The following RASSF9 variants were observed in gnomAD, a reference collection of about 807,000 sequenced individuals.
RASSF9 encodes the protein ras association domain-containing protein 9.
Under a neutral mutation model 21.4 loss-of-function variants are expected in RASSF9, and 18 were observed. The ratio of observed to expected loss-of-function variants is 0.84; its 90% CI spans 0.58 to 1.25. The LOEUF (loss-of-function observed/expected upper bound fraction) is 1.25, where lower values mean the gene tolerates loss of function less well. RASSF9 is among the 50% of genes most tolerant of loss of function. RASSF9 has a pLI of 0.00. For synonymous variants in RASSF9, 183 were observed against 179.1 expected, an observed-to-expected ratio of 1.02 and a Z score of -0.18; for missense variants, 480 against 503.2, an observed-to-expected ratio of 0.95 and a Z score of 0.44.
chr12:85,830,649 T>G (rs1446498108), intron 1 of RASSF9, among the ~76,000 whole-genome samples: 2 of 152,116 alleles, frequency 1.3e-5, no homozygotes, highest in Admixed American at 6.5e-5. Context: ...AGTATAATTT[T>G]CCTTGTTTGT....
At chr12:85,812,240 T>C (rs901459167) in intron 1 of RASSF9, among the ~76,000 whole-genome samples, 2 of 151,728 alleles carry the variant, frequency 1.3e-5, no homozygotes, top group East Asian at 3.9e-4. Flanking sequence ...CACATAACTA[T>C]TCTTAGTTGT....
rs748977216 is a variant in RASSF9 at position 85,804,935 on chromosome 12, G to T, written c.1075C>A (p.Leu359Ile). 6.2e-7 allele frequency: 1 copy of T among 1,613,802 alleles called. No individual in the cohort carries two copies. The highest frequency in any genetic ancestry group is 1.1e-5 in the South Asian group (1 of 91,084). ...AGTGAATTGAATTCCTTGGCCAGGA[G>T]TTCATATTCTTTTGCTTTCATCTGA... Reference protein sequence around the residue: ...LLQMKAKEYELLAKEFNSLHI... With the variant: ...LLQMKAKEYEILAKEFNSLHI... The change falls in exon 2 of 2, where the codon CTC becomes ATC. Residue 359 changes from leucine (L) to isoleucine (I), a missense_variant. By Grantham distance (5) the Leu-to-Ile change is conservative. Transcript: ENST00000361228.
rs1236057025 is a variant in RASSF9 at position 85,801,879 on chromosome 12, G to A, written c.*2823C>T. The A allele has an allele frequency of 1.3e-5, 2 of 152,130 alleles. No homozygotes were observed. The highest frequency in any genetic ancestry group is 1.9e-4 in the East Asian group (1 of 5,180). The allele number at this position is 152,130 out of a possible 1,614,324, so 9.4% of individuals were successfully genotyped here. ...AGGTAAGTGCATAAATATATATAGC[G>A]TAAGCCAGAATAAAAATGCTTCTTA... is the stretch of plus-strand genomic sequence containing the variant. On this transcript the variant is annotated 3_prime_UTR_variant, in exon 2 of 2. Transcript: ENST00000361228.
intron 1 of RASSF9, among the ~76,000 whole-genome samples, chr12:85,820,467 G>C (rs1292751446): frequency 6.6e-6 from 1 of 152,150 alleles, no homozygotes; most frequent in African/African-American, 2.4e-5. Context: ...AATGATTTCA[G>C]TATGTACAAT....
chr12:85,816,577 A>G (rs753511134), intron 1 of RASSF9, among the ~76,000 whole-genome samples: 3 of 152,140 alleles, frequency 2.0e-5, no homozygotes, highest in Admixed American at 6.6e-5. Flanking sequence ...TTTTACCCTA[A>G]TATCATCACA....
At chr12:85,806,991 T>C (rs1191720704) in intron 1 of RASSF9, among the ~76,000 whole-genome samples, 1 of 152,152 alleles carries the variant, frequency 6.6e-6, no homozygotes, top group Non-Finnish European at 1.5e-5. Context: ...AATGCTGACA[T>C]GAATATGTAA....
chr12:85,835,619 T>C (rs776359070), intron 1 of RASSF9, among the ~76,000 whole-genome samples: 8 of 152,202 alleles, frequency 5.3e-5, no homozygotes, highest in Non-Finnish European at 1.0e-4. Flanking sequence ...GTTTCCACTT[T>C]GGGAACATTC....
At chr12:85,819,862 G>C (rs1275073753) in intron 1 of RASSF9, among the ~76,000 whole-genome samples, 1 of 152,132 alleles carries the variant, frequency 6.6e-6, no homozygotes, top group Non-Finnish European at 1.5e-5. Context: ...TTAGTACCTT[G>C]TCTAGATATT....
At chr12:85,832,170 T>C (rs1176859078) in intron 1 of RASSF9, among the ~76,000 whole-genome samples, 1 of 151,888 alleles carries the variant, frequency 6.6e-6, no homozygotes, top group Non-Finnish European at 1.5e-5. Context: ...TAATTTTAAG[T>C]GCCCTTTAAA....
chr12:85,810,306 G>A (rs557837723), intron 1 of RASSF9, among the ~76,000 whole-genome samples: 1 of 151,408 alleles, frequency 6.6e-6, no homozygotes, highest in East Asian at 1.9e-4. Context: ...ACAAAGACAT[G>A]TGTGATTTAC....
chr12:85,821,983 T>C (rs549386382), intron 1 of RASSF9, among the ~76,000 whole-genome samples: 2 of 152,264 alleles, frequency 1.3e-5, no homozygotes, highest in South Asian at 2.1e-4. Context: ...TCTAATCTTG[T>C]TGGAAATTCG....
chr12:85,822,684 T>C (rs1256257221), intron 1 of RASSF9, among the ~76,000 whole-genome samples: 4 of 152,220 alleles, frequency 2.6e-5, no homozygotes, highest in Admixed American at 2.6e-4. Context: ...TGAATTTTAC[T>C]GTCGCCACCT....
rs1457937466 is a variant in RASSF9, at chr12:85,805,161, GA to G, written c.848del (p.Leu283ProfsTer5). On this transcript the variant is annotated frameshift_variant, in exon 2 of 2. Coordinates refer to ENST00000361228, the MANE Select transcript of RASSF9 (RefSeq NM_005447.4). LOFTEE classifies it high-confidence loss of function. ...LKYYRILIDK[L>X]SAEIEKEVKS... Reference sequence around the variant, plus strand: ...TTACCTCTTTTTCTATTTCAGCAGAGAGCTTATCAATGAGTATTCGGTAATA... The same window carrying G: ...TTACCTCTTTTTCTATTTCAGCAGAGGCTTATCAATGAGTATTCGGTAATA... 28 of 1,613,652 alleles carry G rather than the reference GA, an allele frequency of 1.7e-5. No individual in the cohort carries two copies. Among genetic ancestry groups the G allele is most frequent in the Non-Finnish European group, 2.3e-5 (27 of 1,179,886 alleles).
intron 1 of RASSF9, among the ~76,000 whole-genome samples, chr12:85,831,215 T>C (rs997591296): frequency 7.2e-5 from 11 of 152,024 alleles, no homozygotes; most frequent in African/African-American, 2.7e-4. Context: ...TTATTTAGAG[T>C]TATCATCAGA....
rs59406505 is a variant in RASSF9, at chr12:85,820,444, C to T, written c.48-14482G>A. Among the ~76,000 whole-genome samples, 782 of 152,066 alleles carry T rather than the reference C, an allele frequency of 5.1e-3. 4 individuals carry two copies. Among genetic ancestry groups the T allele is most frequent in the African/African-American group, 0.018 (754 of 41,470 alleles). On this transcript the variant is annotated intron_variant, in intron 1 of 1. Coordinates refer to ENST00000361228, the MANE Select transcript of RASSF9 (RefSeq NM_005447.4). ...TATGATGTTGTTACATCATAAAGCC[C>T]CAAGAAAAGGAAAATGATTTCAGTA...
chr12:85,806,441 G>A (rs1176083179), intron 1 of RASSF9, among the ~76,000 whole-genome samples: 17 of 150,160 alleles, frequency 1.1e-4, no homozygotes, highest in Admixed American at 3.3e-4. Context: ...CGCAGGCCGA[G>A]GCGGGTGGAT....
At chr12:85,820,927 C>T (rs1270460204) in intron 1 of RASSF9, among the ~76,000 whole-genome samples, 2 of 152,048 alleles carry the variant, frequency 1.3e-5, no homozygotes, top group African/African-American at 2.4e-5. Flanking sequence ...GGGCAGATCA[C>T]GAGGTCAAGA....
intron 1 of RASSF9, among the ~76,000 whole-genome samples, chr12:85,823,351 A>T (rs1880258233): frequency 6.6e-6 from 1 of 151,908 alleles, no homozygotes; most frequent in African/African-American, 2.4e-5. Flanking sequence ...ATGCATTGTG[A>T]CCTCCTCCTC....
At chr12:85,815,160 G>A (rs76175843) in intron 1 of RASSF9, among the ~76,000 whole-genome samples, 4,150 of 151,854 alleles carry the variant, frequency 0.027, 217 homozygotes, top group African/African-American at 0.095. Flanking sequence ...ACAACTGTAC[G>A]AAATGAGAGA....
Sources: gnomAD v4.1 joint callset for allele counts (sites outside exome capture counted in the v4.1 genomes callset) on GRCh38, gnomAD v4.1.1 for gene constraint, MANE v1.5 for transcripts, NCBI Gene and HGNC (gene_info 2026-07-23, HGNC 2026-07-21) for gene names.